The following CDIN1 variants were observed in gnomAD, a reference collection of about 807,000 sequenced individuals.
CDIN1 encodes CDAN1 interacting nuclease 1.
In CDIN1, 33 loss-of-function variants were observed where a neutral mutation model predicts 45.3. That is an observed-to-expected ratio of 0.73 (90% confidence interval 0.55 to 0.97). The LOEUF (loss-of-function observed/expected upper bound fraction) is 0.97. Ranked by LOEUF, CDIN1 falls within the 50% of genes least tolerant of loss-of-function variation. CDIN1 has a pLI of 0.00. For missense variants in CDIN1, 303 were observed against 339.4 expected (o/e 0.89, Z 0.84); for synonymous variants, 118 against 124.4 (o/e 0.95, Z 0.34).
intron 10 of CDIN1, among the ~76,000 whole-genome samples, chr15:36,776,959 A>G (rs947687431): frequency 2.0e-5 from 3 of 152,192 alleles, no homozygotes; most frequent in African/African-American, 7.2e-5. Context: ...AATTTCAAAA[A>G]CTGCTGCATG....
At chr15:36,731,410 C>T (rs2140911503) in intron 10 of CDIN1, among the ~76,000 whole-genome samples, 1 of 152,128 alleles carries the variant, frequency 6.6e-6, no homozygotes, top group Non-Finnish European at 1.5e-5. Flanking sequence ...CATATGGTTC[C>T]ATTTAAAGTC....
intron 10 of CDIN1, among the ~76,000 whole-genome samples, chr15:36,773,427 A>G (rs2054130484): frequency 6.6e-6 from 1 of 152,232 alleles, no homozygotes. Flanking sequence ...AGAAACTGAA[A>G]TTGTAATTGT....
chr15:36,659,886 G>A (rs1449406615), intron 5 of CDIN1, among the ~76,000 whole-genome samples: 1 of 150,694 alleles, frequency 6.6e-6, no homozygotes, highest in East Asian at 2.0e-4. Context: ...GGTTATAGAA[G>A]TCAATTAATT....
chr15:36,648,093 C>T (rs558404231), intron 3 of CDIN1, among the ~76,000 whole-genome samples: 2 of 152,244 alleles, frequency 1.3e-5, no homozygotes, highest in African/African-American at 4.8e-5. Context: ...GCCGCCTCGG[C>T]CTCCCAAAGT....
At chr15:36,709,394 A>G in intron 9 of CDIN1, 106 bp downstream of exon 9, 1 of 730,904 alleles carries the variant, frequency 1.4e-6, no homozygotes, top group Non-Finnish European at 2.0e-6. Context: ...TGGGTGGATA[A>G]TTGGAAAATG....
At chr15:36,636,462 G>GC (rs1437241018) in intron 1 of CDIN1, among the ~76,000 whole-genome samples, 13 of 152,180 alleles carry the variant, frequency 8.5e-5, no homozygotes, top group Non-Finnish European at 1.6e-4. Flanking sequence ...TGAGGCAGGA[G>GC]AATGTCATGA....
At chr15:36,601,166 T>C (rs2038081537) in intron 1 of CDIN1, among the ~76,000 whole-genome samples, 1 of 152,158 alleles carries the variant, frequency 6.6e-6, no homozygotes. Context: ...CCTTTTAGAA[T>C]GTGAATGACT....
At chr15:36,599,675 G>A (rs1450030709) in intron 1 of CDIN1, among the ~76,000 whole-genome samples, 2 of 152,118 alleles carry the variant, frequency 1.3e-5, no homozygotes, top group Non-Finnish European at 2.9e-5. Flanking sequence ...TGCACTATTT[G>A]TATTATAGAT....
At chr15:36,694,799 A>T (rs2042367219) in intron 7 of CDIN1, among the ~76,000 whole-genome samples, 1 of 152,226 alleles carries the variant, frequency 6.6e-6, no homozygotes, top group Non-Finnish European at 1.5e-5. Context: ...TTTCTGTACC[A>T]TCAGAGACCT....
intron 10 of CDIN1, among the ~76,000 whole-genome samples, chr15:36,725,952 C>T (rs1479687149): frequency 1.3e-5 from 2 of 152,088 alleles, no homozygotes; most frequent in African/African-American, 4.8e-5. Flanking sequence ...TAATATTCTC[C>T]GAGCATTTAG....
At chr15:36,792,774 C>T (rs2054679335) in intron 10 of CDIN1, among the ~76,000 whole-genome samples, 1 of 152,128 alleles carries the variant, frequency 6.6e-6, no homozygotes, top group African/African-American at 2.4e-5. Flanking sequence ...AGAGGATCAC[C>T]CTCAGGCGAA....
chr15:36,640,305 T>A (rs2040056716), intron 1 of CDIN1, among the ~76,000 whole-genome samples: 1 of 152,152 alleles, frequency 6.6e-6, no homozygotes, highest in Non-Finnish European at 1.5e-5. Flanking sequence ...AAAATACGCC[T>A]TGACCAGCAC....
chr15:36,725,311 T>C (rs1221000498), intron 10 of CDIN1, among the ~76,000 whole-genome samples: 1 of 142,376 alleles, frequency 7.0e-6, no homozygotes, highest in Non-Finnish European at 1.5e-5. Context: ...TACATTTCTC[T>C]TGCCTCTTTT....
At chr15:36,600,627 C>G (rs1018300711) in intron 1 of CDIN1, among the ~76,000 whole-genome samples, 1 of 152,090 alleles carries the variant, frequency 6.6e-6, no homozygotes, top group Non-Finnish European at 1.5e-5. Context: ...AGATTATAAA[C>G]GAGTAGACAG....
At chr15:36,745,311 C>T (rs577842726) in intron 10 of CDIN1, among the ~76,000 whole-genome samples, 3 of 152,218 alleles carry the variant, frequency 2.0e-5, no homozygotes, top group Admixed American at 2.0e-4. Context: ...TTGATAAGTA[C>T]TGAACTTTTA....
chr15:36,773,681 A>G (rs2054136020), intron 10 of CDIN1, among the ~76,000 whole-genome samples: 1 of 152,246 alleles, frequency 6.6e-6, no homozygotes, highest in African/African-American at 2.4e-5. Context: ...AATGCTAAAG[A>G]ACCTGGCACA....
At chr15:36,669,634 C>T (rs1415212441) in intron 5 of CDIN1, among the ~76,000 whole-genome samples, 2 of 152,054 alleles carry the variant, frequency 1.3e-5, no homozygotes, top group Non-Finnish European at 2.9e-5. Flanking sequence ...TTCACCAGTA[C>T]CCAATCCAGG....
intron 10 of CDIN1, among the ~76,000 whole-genome samples, chr15:36,733,185 A>C (rs553630641): frequency 1.8e-4 from 28 of 152,222 alleles, no homozygotes; most frequent in Middle Eastern, 6.8e-3. Flanking sequence ...TGTTTACAAA[A>C]GCATTTTCTT....
intron 1 of CDIN1, among the ~76,000 whole-genome samples, chr15:36,590,390 A>G (rs1420714866): frequency 6.6e-6 from 1 of 152,248 alleles, no homozygotes; most frequent in East Asian, 1.9e-4. Flanking sequence ...CTATGAAAAT[A>G]AATATTTTGA....
Sources: allele counts gnomAD v4.1 joint callset (sites outside exome capture counted in the v4.1 genomes callset), GRCh38; gene constraint gnomAD v4.1.1; transcripts MANE v1.5; gene names NCBI Gene and HGNC (gene_info 2026-07-23, HGNC 2026-07-21).